Variants in OXCT1 observed in about 807,000 individuals in gnomAD.
The protein encoded by OXCT1 is 3-oxoacid CoA-transferase 1.
A neutral mutation model predicts 69.6 loss-of-function variants in OXCT1; 27 were observed. The ratio of observed to expected loss-of-function variants is 0.39; its 90% CI spans 0.29 to 0.54. OXCT1 has a LOEUF of 0.54. Among genes scored for constraint, OXCT1 ranks in the 20% least tolerant of loss-of-function variants. The pLI, the probability that OXCT1 is intolerant of heterozygous loss-of-function variation, is 0.72. For synonymous variants in OXCT1, 202 were observed against 217.8 expected (o/e 0.93, Z 0.64); for missense variants, 437 against 650.2 (o/e 0.67, Z 3.57).
At chr5:41,781,656 C>T (rs1443083419) in intron 13 of OXCT1, among the ~76,000 whole-genome samples, 1 of 152,126 alleles carries the variant, frequency 6.6e-6, no homozygotes, top group Non-Finnish European at 1.5e-5. Context: ...CCAGTGGTGT[C>T]CATGTGTTTT....
chr5:41,828,830 A>C (rs1747947312), intron 7 of OXCT1, among the ~76,000 whole-genome samples: 1 of 152,244 alleles, frequency 6.6e-6, no homozygotes, highest in Non-Finnish European at 1.5e-5. Context: ...AAGGGTCTGC[A>C]CACTTTTTTC....
chr5:41,757,966 T>C (rs550145378), intron 14 of OXCT1, among the ~76,000 whole-genome samples: 11 of 152,200 alleles, frequency 7.2e-5, no homozygotes, highest in Admixed American at 5.9e-4. Context: ...AGCTTTAGTT[T>C]TAGACTAGTC....
intron 13 of OXCT1, among the ~76,000 whole-genome samples, chr5:41,770,905 A>C (rs182668276): frequency 6.6e-5 from 10 of 152,306 alleles, no homozygotes; most frequent in Admixed American, 6.5e-4. Flanking sequence ...TACAGAAACT[A>C]TCTATACTAG....
Position 41,807,444 on chromosome 5 carries a change from C to T in OXCT1, c.733-6G>A, listed in dbSNP as rs374560213. The T allele has an allele frequency of 8.5e-6, 13 of 1,526,760 alleles. No homozygotes were observed. In the African/African-American group the frequency reaches 1.5e-4, roughly 18 times the overall value. 94.6% of individuals were successfully genotyped at this position (1,526,760 alleles called of 1,614,324 possible). ...ATATCCACAATTTCTTCAACCTAGA[C>T]AAAGAGAAATTTCTTTCAAAGTTAG... is the stretch of plus-strand genomic sequence containing the variant. On this transcript the variant is annotated splice_polypyrimidine_tract_variant and splice_region_variant and intron_variant, in intron 7 of 16. Transcript: ENST00000196371.
chr5:41,762,218 A>T lies in OXCT1; in HGVS notation c.1249-18T>A, dbSNP rs1441580067. 6.4e-7 allele frequency: 1 copy of T among 1,561,448 alleles called. No individual in the cohort carries two copies. The highest frequency in any genetic ancestry group is 1.7e-5 in the Admixed American group (1 of 59,856). The stretch of plus-strand genomic sequence containing the variant: ...ATCTTCCCCTGCAAAACAAAAAATA[A>T]ATAGCTCTGTATCTTTCACTTCTTT... On this transcript the variant is annotated intron_variant, in intron 13 of 16. Transcript: ENST00000196371. The surrounding 1 kb of genome is among the most constrained non-coding windows in gnomAD (Gnocchi z 4.0).
intron 16 of OXCT1, 28 bp downstream of exon 16, chr5:41,739,362 G>A (rs1172840534): frequency 7.3e-7 from 1 of 1,360,976 alleles, no homozygotes; most frequent in Non-Finnish European, 1.1e-6. Context: ...TAAGACAAGT[G>A]TCTGGATTTG....
intron 15 of OXCT1, among the ~76,000 whole-genome samples, chr5:41,747,739 A>C (rs1416630443): frequency 2.0e-5 from 3 of 152,092 alleles, no homozygotes; most frequent in Non-Finnish European, 4.4e-5. Flanking sequence ...AGTAGGGAGA[A>C]AGTTAAAGCA....
At chr5:41,798,050 G>C (rs1746259126) in intron 11 of OXCT1, among the ~76,000 whole-genome samples, 1 of 152,176 alleles carries the variant, frequency 6.6e-6, no homozygotes, top group South Asian at 2.1e-4. Flanking sequence ...GCTGGAACTT[G>C]AAGGATAGGC....
chr5:41,741,705 G>T (rs1743179127), intron 15 of OXCT1, among the ~76,000 whole-genome samples: 1 of 152,154 alleles, frequency 6.6e-6, no homozygotes, highest in Non-Finnish European at 1.5e-5. Flanking sequence ...TTTGTCTGAA[G>T]AATTCACAGA....
chr5:41,786,971 T>G (rs1187114007), intron 13 of OXCT1, among the ~76,000 whole-genome samples: 1 of 152,160 alleles, frequency 6.6e-6, no homozygotes, highest in Non-Finnish European at 1.5e-5. Flanking sequence ...TTAAATGCCC[T>G]CCTGAAGAGT....
At chr5:41,811,081 GA>G (rs57545957) in intron 7 of OXCT1, among the ~76,000 whole-genome samples, 26,919 of 137,100 alleles carry the variant, frequency 0.2, 2,630 homozygotes, top group Middle Eastern at 0.29. Flanking sequence ...AAAAGAGAGG[GA>G]AAAAAAAAAA....
At chr5:41,739,871 A>G (rs1454003593) in intron 15 of OXCT1, 1 of 136,306 alleles carries the variant, frequency 7.3e-6, no homozygotes, top group Non-Finnish European at 1.5e-5. Context: ...ACTCTGTCTC[A>G]AAAAAAAAAA....
chr5:41,859,888 T>TAA, intron 3 of OXCT1, among the ~76,000 whole-genome samples: 1 of 97,462 alleles, frequency 1.0e-5, no homozygotes, highest in South Asian at 4.0e-4. Context: ...TATATATATG[T>TAA]AATATATATA....
chr5:41,777,021 T>C lies in OXCT1; in HGVS notation c.1249-14821A>G, dbSNP rs191105035. 2.6e-4 allele frequency among the ~76,000 whole-genome samples: 40 copies of C among 152,390 alleles called. 1 individual carries two copies. In the East Asian group the frequency reaches 7.7e-3, roughly 29 times the overall value. ...TTTAATATTCTTATTTTTCTTGTTATGATCTACTTTGTTCATACTGAACAT... is the reference window on the plus strand; with the variant it reads ...TTTAATATTCTTATTTTTCTTGTTACGATCTACTTTGTTCATACTGAACAT... On this transcript the variant is annotated intron_variant, in intron 13 of 16. Transcript: ENST00000196371.
chr5:41,799,015 T>C (rs1203234904), intron 11 of OXCT1, among the ~76,000 whole-genome samples: 1 of 152,202 alleles, frequency 6.6e-6, no homozygotes, highest in African/African-American at 2.4e-5. Flanking sequence ...AATGGTATAA[T>C]ACATGTGAAA....
chr5:41,782,937 A>C (rs1745480134), intron 13 of OXCT1, among the ~76,000 whole-genome samples: 1 of 152,222 alleles, frequency 6.6e-6, no homozygotes, highest in African/African-American at 2.4e-5. Flanking sequence ...GTTTTCTGCA[A>C]TTAACATTAG....
chr5:41,773,434 GA>G (rs1277639390), intron 13 of OXCT1, among the ~76,000 whole-genome samples: 8 of 149,736 alleles, frequency 5.3e-5, no homozygotes, highest in East Asian at 1.9e-4. Context: ...AAAGAAAAAA[GA>G]AAAAAAAATT....
intron 7 of OXCT1, among the ~76,000 whole-genome samples, chr5:41,817,766 C>A (rs1037742412): frequency 2.0e-5 from 3 of 152,286 alleles, no homozygotes; most frequent in South Asian, 2.1e-4. Flanking sequence ...TAAAAGCTTA[C>A]TGAATGAGAC....
chr5:41,745,182 A>C (rs1334009004), intron 15 of OXCT1, among the ~76,000 whole-genome samples: 1 of 152,118 alleles, frequency 6.6e-6, no homozygotes, highest in African/African-American at 2.4e-5. Context: ...TAAAAAAAAA[A>C]CAAATTATAA....
Sources: allele counts gnomAD v4.1 joint callset (sites outside exome capture counted in the v4.1 genomes callset), GRCh38; gene constraint gnomAD v4.1.1; non-coding constraint Gnocchi (gnomAD v3.1); transcripts MANE v1.5; gene names NCBI Gene and HGNC (gene_info 2026-07-23, HGNC 2026-07-21).